PACRG: variants seen among roughly 807,000 people sequenced by gnomAD.
PACRG encodes parkin coregulated.
PACRG carries 29 observed loss-of-function variants against 29.7 expected under a neutral mutation model. The observed-to-expected ratio is 0.98, with a 90% CI of 0.73 to 1.33. The LOEUF is 1.33. Ranked by LOEUF, PACRG falls within the 40% of genes most tolerant of loss-of-function variation. The pLI is 0.00. For missense variants in PACRG, 279 were observed against 316.2 expected (o/e 0.88, Z 0.89); for synonymous variants, 116 against 118.7 (o/e 0.98, Z 0.15).
intron 3 of PACRG, among the ~76,000 whole-genome samples, chr6:163,073,807 A>T (rs1477838377): frequency 1.3e-5 from 2 of 152,260 alleles, no homozygotes; most frequent in Non-Finnish European, 2.9e-5. Flanking sequence ...AAGACATGCA[A>T]ATAGCAAATA....
chr6:162,798,067 A>T (rs1289757654), intron 1 of PACRG, among the ~76,000 whole-genome samples: 1 of 152,158 alleles, frequency 6.6e-6, no homozygotes, highest in African/African-American at 2.4e-5. Flanking sequence ...TTTTTCTTAT[A>T]GTAACTTTGA....
At chr6:162,960,910 A>G (rs1800559580) in intron 2 of PACRG, among the ~76,000 whole-genome samples, 1 of 152,234 alleles carries the variant, frequency 6.6e-6, no homozygotes, top group Non-Finnish European at 1.5e-5. Flanking sequence ...TCAGGAAAAC[A>G]TTTTCTCTTT....
chr6:163,300,667 CA>C (rs1784953876), intron 4 of PACRG, among the ~76,000 whole-genome samples: 1 of 152,210 alleles, frequency 6.6e-6, no homozygotes, highest in South Asian at 2.1e-4. Context: ...TTTAGTGCCT[CA>C]AAACACAAAA....
chr6:162,805,468 G>A (rs1931224), intron 1 of PACRG, among the ~76,000 whole-genome samples: 86,134 of 152,046 alleles, frequency 0.57, 26,428 homozygotes, highest in African/African-American at 0.82. Context: ...TGACTGATCA[G>A]TGTGGTGGTT....
At chr6:162,736,482 T>C (rs981459533) in intron 1 of PACRG, among the ~76,000 whole-genome samples, 13 of 152,118 alleles carry the variant, frequency 8.5e-5, no homozygotes, top group African/African-American at 3.1e-4. Flanking sequence ...ATGTGTAATA[T>C]GATAAGAGCA....
chr6:163,104,381 G>A (rs1223644195), intron 4 of PACRG, among the ~76,000 whole-genome samples: 1 of 152,140 alleles, frequency 6.6e-6, no homozygotes, highest in African/African-American at 2.4e-5. Flanking sequence ...ATCTGTGTAT[G>A]TAGCTGTCTT....
chr6:163,311,232 T>C (rs536344116), intron 4 of PACRG, among the ~76,000 whole-genome samples: 1 of 152,162 alleles, frequency 6.6e-6, no homozygotes, highest in South Asian at 2.1e-4. Flanking sequence ...CTCTCATCTT[T>C]CCAGAAGCAC....
intron 3 of PACRG, among the ~76,000 whole-genome samples, chr6:163,062,613 T>TAAG (rs1811190201): frequency 1.3e-5 from 2 of 152,200 alleles, no homozygotes; most frequent in Admixed American, 1.3e-4. Context: ...TCCAGAGGTC[T>TAAG]TTACCTGCTG....
chr6:163,247,149 A>G (rs745368070), intron 4 of PACRG, among the ~76,000 whole-genome samples: 7 of 152,260 alleles, frequency 4.6e-5, no homozygotes. Flanking sequence ...CTTCCATTCT[A>G]GAAGGTTTAC....
intron 4 of PACRG, among the ~76,000 whole-genome samples, chr6:163,221,871 C>T (rs1585345686): frequency 6.6e-6 from 1 of 152,120 alleles, no homozygotes; most frequent in East Asian, 1.9e-4. Flanking sequence ...GATACTGGGT[C>T]GTGGGACCTT....
intron 4 of PACRG, among the ~76,000 whole-genome samples, chr6:163,263,007 C>T (rs1243771585): frequency 1.3e-5 from 2 of 150,850 alleles, no homozygotes; most frequent in Admixed American, 6.7e-5. Flanking sequence ...GCTATGATCA[C>T]ACCACTGCAC....
chr6:163,172,237 A>G (rs929843940), intron 4 of PACRG, among the ~76,000 whole-genome samples: 1 of 152,210 alleles, frequency 6.6e-6, no homozygotes, highest in Non-Finnish European at 1.5e-5. Flanking sequence ...GGAAATTTCC[A>G]GTTCCTCTAC....
At chr6:163,265,043 C>A (rs1783475148) in intron 4 of PACRG, among the ~76,000 whole-genome samples, 1 of 152,148 alleles carries the variant, frequency 6.6e-6, no homozygotes, top group Non-Finnish European at 1.5e-5. Flanking sequence ...GCTTTGAGGA[C>A]TAGTACTCTA....
intron 2 of PACRG, among the ~76,000 whole-genome samples, chr6:163,037,902 T>C (rs995000395): frequency 6.6e-6 from 1 of 152,216 alleles, no homozygotes; most frequent in East Asian, 1.9e-4. Context: ...CAAAGGAAGA[T>C]TTACTGAATA....
intron 1 of PACRG, among the ~76,000 whole-genome samples, chr6:162,778,841 C>T (rs1461027339): frequency 6.6e-6 from 1 of 152,238 alleles, no homozygotes; most frequent in Non-Finnish European, 1.5e-5. Context: ...GCGGGGTTGA[C>T]CCCTGAGGTT....
At position 163,311,529 on chromosome 6, in the gene PACRG, A is replaced by C. The variant is rs573538664; in HGVS notation, c.614-3298A>C. 1.9e-4 allele frequency among the ~76,000 whole-genome samples: 29 copies of C among 152,326 alleles called. No individual in the cohort carries two copies. In the East Asian group the frequency reaches 3.1e-3, roughly 16 times the overall value. ...AATTTCAGGCCCTCAAAAAACTGTC[A>C]ATGTAGCAGGTTTGAAATGGAGACC... On this transcript the variant is annotated intron_variant, in intron 4 of 4. Coordinates refer to ENST00000366888, the MANE Select transcript of PACRG (RefSeq NM_001080379.2).
At chr6:162,743,669 T>C (rs1293531507) in intron 1 of PACRG, among the ~76,000 whole-genome samples, 1 of 152,178 alleles carries the variant, frequency 6.6e-6, no homozygotes. Flanking sequence ...ACTGAGTTTT[T>C]GAATTATTTA....
At chr6:162,920,733 T>C (rs1175012034) in intron 2 of PACRG, among the ~76,000 whole-genome samples, 2 of 152,192 alleles carry the variant, frequency 1.3e-5, no homozygotes, top group Non-Finnish European at 2.9e-5. Context: ...CACATACTAG[T>C]AAATAAGGCA....
At chr6:162,885,235 CT>C (rs36030258) in intron 2 of PACRG, among the ~76,000 whole-genome samples, 25,786 of 141,648 alleles carry the variant, frequency 0.18, 2,870 homozygotes, top group Middle Eastern at 0.25. Context: ...TTTGAGTAAC[CT>C]TTTTTTTTTT....
Sources: allele counts gnomAD v4.1 joint callset (sites outside exome capture counted in the v4.1 genomes callset), GRCh38; gene constraint gnomAD v4.1.1; transcripts MANE v1.5; gene names NCBI Gene and HGNC (gene_info 2026-07-23, HGNC 2026-07-21).